The following XPO7 variants were observed in gnomAD, a reference collection of about 807,000 sequenced individuals.
XPO7 encodes exportin-7.
Under a neutral mutation model 144.3 loss-of-function variants are expected in XPO7, and 21 were observed. The ratio of observed to expected loss-of-function variants is 0.15; its 90% CI spans 0.10 to 0.21. XPO7 has a LOEUF of 0.21. Ranked by LOEUF, XPO7 falls within the 10% of genes least tolerant of loss-of-function variation. The pLI is 1.00. For synonymous variants in XPO7, 580 were observed against 499.6 expected (o/e 1.16, Z -2.15); for missense variants, 808 against 1,325.8 (o/e 0.61, Z 6.06).
At chr8:21,980,549 A>G (rs1812371042) in intron 9 of XPO7, among the ~76,000 whole-genome samples, 1 of 152,188 alleles carries the variant, frequency 6.6e-6, no homozygotes, top group African/African-American at 2.4e-5. Context: ...AGGTGGGCAG[A>G]TCACTTGAGG....
intron 1 of XPO7, among the ~76,000 whole-genome samples, chr8:21,955,910 G>A (rs1280328407): frequency 1.3e-5 from 2 of 151,804 alleles, no homozygotes; most frequent in Non-Finnish European, 2.9e-5. Context: ...TGTATTTTTA[G>A]TAGAGACGGG....
Position 21,971,961 on chromosome 8 carries a change from T to C in XPO7, c.492+20T>C. ...AATCAAGTAAGTGCTACAGCCTTCC[T>C]CATTGAAGTAAGTGCCATATTTTTT... is the stretch of plus-strand genomic sequence containing the variant. On this transcript the variant is annotated intron_variant, in intron 5 of 27. Transcript: ENST00000252512. The C allele has an allele frequency of 6.2e-7, 1 of 1,610,588 alleles. No individual in the cohort carries two copies. The highest frequency in any genetic ancestry group is 1.1e-5 in the South Asian group (1 of 91,002).
At chr8:22,000,484 G>A (rs1245013446) in intron 24 of XPO7, among the ~76,000 whole-genome samples, 4 of 134,846 alleles carry the variant, frequency 3.0e-5, no homozygotes, top group African/African-American at 5.8e-5. Flanking sequence ...AGACGGAGTC[G>A]CTCTGTCGCC....
intron 7 of XPO7, among the ~76,000 whole-genome samples, chr8:21,976,752 C>G (rs978522381): frequency 2.0e-5 from 3 of 152,220 alleles, no homozygotes; most frequent in Admixed American, 6.5e-5. Flanking sequence ...CTCCTGGACT[C>G]AAGCAGTCTT....
chr8:21,919,697 GC>G lies in XPO7; in HGVS notation c.-73del. ...CGCAGCGGCGACGGCGTCGGCGGCGGCGGCGGCAGCGGCTCCGGCCGAGGTG... is the reference window on the plus strand; with the variant it reads ...CGCAGCGGCGACGGCGTCGGCGGCGGGGCGGCAGCGGCTCCGGCCGAGGTG... On this transcript the variant is annotated 5_prime_UTR_variant, in exon 1 of 28. Transcript: ENST00000252512. 5.0e-6 allele frequency: 1 copy of G among 200,950 alleles called. No individual in the cohort carries two copies. Among genetic ancestry groups the G allele is most frequent in the South Asian group, 1.6e-4 (1 of 6,150 alleles). 12.4% of individuals were successfully genotyped at this position (200,950 alleles called of 1,614,324 possible). A position where few individuals can be genotyped will look rare whatever the true frequency, so the allele number is the denominator to read the frequency against.
chr8:21,962,203 G>A (rs1811747498), intron 1 of XPO7, among the ~76,000 whole-genome samples: 1 of 152,210 alleles, frequency 6.6e-6, no homozygotes, highest in East Asian at 1.9e-4. Flanking sequence ...GAACTCTATT[G>A]TAGTAAGTAA....
At chr8:21,922,673 G>T (rs999613701) in intron 1 of XPO7, among the ~76,000 whole-genome samples, 2 of 152,108 alleles carry the variant, frequency 1.3e-5, no homozygotes, top group African/African-American at 4.8e-5. Context: ...GTGCTAGCTG[G>T]TGTTCAGGAG....
At chr8:22,002,082 C>G (rs778656747) in intron 24 of XPO7, 30 bp from the exon 25 acceptor site, 12 of 1,584,774 alleles carry the variant, frequency 7.6e-6, no homozygotes, top group Non-Finnish European at 9.4e-6. Flanking sequence ...ATCAGCAGCT[C>G]TGTCCTACCC....
intron 2 of XPO7, among the ~76,000 whole-genome samples, chr8:21,969,210 T>G (rs532702205): frequency 3.6e-4 from 55 of 152,324 alleles, no homozygotes; most frequent in African/African-American, 1.3e-3. Context: ...CTCTAGTGTC[T>G]GTCCCTCAGA....
At chr8:21,964,927 TAA>T (rs1405688145) in intron 1 of XPO7, among the ~76,000 whole-genome samples, 1 of 152,184 alleles carries the variant, frequency 6.6e-6, no homozygotes, top group African/African-American at 2.4e-5. Context: ...GATCAGACTT[TAA>T]GGAGAGCCAT....
chr8:21,987,409 T>C, intron 14 of XPO7, 133 bp downstream of exon 14: 1 of 1,313,504 alleles, frequency 7.6e-7, no homozygotes. Flanking sequence ...TGTTTTCTCT[T>C]AGTCTTTAAA....
At chr8:21,979,073 T>C (rs1812318228) in intron 8 of XPO7, among the ~76,000 whole-genome samples, 1 of 152,220 alleles carries the variant, frequency 6.6e-6, no homozygotes, top group Admixed American at 6.5e-5. Context: ...TGTGTTTTTT[T>C]GTTTGTTTGT....
chr8:21,931,655 G>T (rs994583249), intron 1 of XPO7, among the ~76,000 whole-genome samples: 1 of 152,202 alleles, frequency 6.6e-6, no homozygotes, highest in Non-Finnish European at 1.5e-5. Flanking sequence ...AGTCTCAGGA[G>T]TTTGAATAAA....
At chr8:21,920,092 G>A (rs887708204) in intron 1 of XPO7, among the ~76,000 whole-genome samples, 1 of 151,986 alleles carries the variant, frequency 6.6e-6, no homozygotes, top group East Asian at 1.9e-4. Flanking sequence ...GTCCCCGGGG[G>A]AGGCCTCCGT....
chr8:21,962,782 C>T (rs1208148374), intron 1 of XPO7, among the ~76,000 whole-genome samples: 1 of 152,216 alleles, frequency 6.6e-6, no homozygotes, highest in African/African-American at 2.4e-5. Context: ...CATTCACCTT[C>T]TAACCTAACA....
chr8:21,931,693 C>CA (rs1008296557), intron 1 of XPO7, among the ~76,000 whole-genome samples: 57 of 152,178 alleles, frequency 3.7e-4, no homozygotes, highest in Non-Finnish European at 7.3e-4. Context: ...CTCTGGCTGC[C>CA]AATACCCCTT....
At chr8:21,949,431 C>T (rs186143324) in intron 1 of XPO7, among the ~76,000 whole-genome samples, 1 of 152,288 alleles carries the variant, frequency 6.6e-6, no homozygotes, top group East Asian at 1.9e-4. Context: ...TGGATTCTTA[C>T]TATGTGTGAT....
At chr8:21,927,702 C>T (rs1810505713) in intron 1 of XPO7, among the ~76,000 whole-genome samples, 1 of 152,056 alleles carries the variant, frequency 6.6e-6, no homozygotes, top group Admixed American at 6.6e-5. Flanking sequence ...TGCACCACCA[C>T]GCCCAGCTAA....
intron 1 of XPO7, among the ~76,000 whole-genome samples, chr8:21,920,995 A>G (rs575571151): frequency 2.0e-5 from 3 of 152,322 alleles, no homozygotes; most frequent in African/African-American, 7.2e-5. Context: ...AGATCAGTAA[A>G]GTAGATCTTC....
Sources: gnomAD v4.1 joint callset for allele counts (sites outside exome capture counted in the v4.1 genomes callset) on GRCh38, gnomAD v4.1.1 for gene constraint, MANE v1.5 for transcripts, NCBI Gene and HGNC (gene_info 2026-07-23, HGNC 2026-07-21) for gene names.